The following WDR37 variants were observed in gnomAD, a reference collection of about 807,000 sequenced individuals.
WDR37 encodes the protein WD repeat-containing protein 37.
A neutral mutation model predicts 62.9 loss-of-function variants in WDR37; 19 were observed. The observed-to-expected ratio is 0.30, with a 90% CI of 0.21 to 0.44. The LOEUF (loss-of-function observed/expected upper bound fraction) is 0.44, where lower values mean the gene tolerates loss of function less well. Ranked by LOEUF, WDR37 falls within the 20% of genes least tolerant of loss-of-function variation. The pLI, the probability that WDR37 is intolerant of heterozygous loss-of-function variation, is 1.00. For missense variants in WDR37, 474 were observed against 657.6 expected, an observed-to-expected ratio of 0.72 and a Z score of 3.05; for synonymous variants, 250 against 260.9, an observed-to-expected ratio of 0.96 and a Z score of 0.40.
intron 11 of WDR37, among the ~76,000 whole-genome samples, chr10:1,119,924 C>CT (rs1177547086): frequency 6.6e-6 from 1 of 152,192 alleles, no homozygotes; most frequent in South Asian, 2.1e-4. Context: ...TGAGGTAGAA[C>CT]TATGCATTAG....
intron 1 of WDR37, among the ~76,000 whole-genome samples, chr10:1,066,761 T>C (rs530114609): frequency 4.1e-4 from 62 of 152,280 alleles, no homozygotes; most frequent in Middle Eastern, 3.4e-3. Flanking sequence ...ATACCTGAGA[T>C]TGGGCAATTT....
At position 1,105,390 on chromosome 10, in the gene WDR37, C is replaced by G; in HGVS notation, c.1103+123C>G. On this transcript the variant is annotated intron_variant, in intron 11 of 13. Coordinates refer to ENST00000263150, the MANE Select transcript of WDR37 (RefSeq NM_014023.4). The surrounding 1 kb of genome is among the most constrained non-coding windows in gnomAD (Gnocchi z 5.3). Reference sequence around the variant, plus strand: ...ACTCTACTATCTTTCAAAAAAATAACTACCTTTCAAATTCTGCTATTCTTT... The same window carrying G: ...ACTCTACTATCTTTCAAAAAAATAAGTACCTTTCAAATTCTGCTATTCTTT... 8.0e-7 allele frequency: 1 copy of G among 1,250,264 alleles called. No individual in the cohort carries two copies. The highest frequency in any genetic ancestry group is 1.5e-5 in the South Asian group (1 of 65,840). 77.4% of individuals were successfully genotyped at this position (1,250,264 alleles called of 1,614,324 possible). A position where few individuals can be genotyped will look rare whatever the true frequency, so the allele number is the denominator to read the frequency against.
intron 2 of WDR37, chr10:1,074,364 C>T: frequency 7.9e-7 from 1 of 1,269,778 alleles, no homozygotes; most frequent in African/African-American, 1.5e-5. Context: ...CATGGTAACC[C>T]TCACGAAGGT....
At chr10:1,095,056 T>G (rs1017065790) in intron 8 of WDR37, among the ~76,000 whole-genome samples, 11 of 147,782 alleles carry the variant, frequency 7.4e-5, no homozygotes, top group African/African-American at 2.8e-4. Flanking sequence ...AGAGTTAGAC[T>G]GGGAAACGTG....
At chr10:1,074,509 G>T (rs1174417674) in intron 2 of WDR37, 2 of 1,304,318 alleles carry the variant, frequency 1.5e-6, no homozygotes, top group Non-Finnish European at 2.0e-6. Flanking sequence ...AGCATGTTCT[G>T]TAAGTGGCCC....
intron 2 of WDR37, among the ~76,000 whole-genome samples, chr10:1,072,912 T>C (rs1476398620): frequency 1.3e-5 from 2 of 152,196 alleles, no homozygotes; most frequent in African/African-American, 4.8e-5. Flanking sequence ...TCTCTAACAG[T>C]CTCAAGAAAA....
chr10:1,129,687 ACGTT>A lies in WDR37; in HGVS notation c.*344_*347del. On this transcript the variant is annotated 3_prime_UTR_variant, in exon 14 of 14. Coordinates refer to ENST00000263150, the MANE Select transcript of WDR37 (RefSeq NM_014023.4). The stretch of plus-strand genomic sequence containing the variant: ...TGAATTAAATGTGAACTTCTGTATT[ACGTT>A]GCGGCGTCGGCAGTCCTGCGTTCCC... 5.4e-6 allele frequency: 1 copy of A among 184,822 alleles called. No homozygotes were observed. Among genetic ancestry groups the A allele is most frequent in the Non-Finnish European group, 1.1e-5 (1 of 87,858 alleles). The allele number at this position is 184,822 out of a possible 1,614,324, so 11.4% of individuals were successfully genotyped here. A position where few individuals can be genotyped will look rare whatever the true frequency, so the allele number is the denominator to read the frequency against.
chr10:1,092,014 A>G (rs1490063830), intron 7 of WDR37, among the ~76,000 whole-genome samples: 2 of 151,178 alleles, frequency 1.3e-5, no homozygotes, highest in Non-Finnish European at 2.9e-5. Flanking sequence ...CCCCGTTTCT[A>G]CTAAAAATAG....
intron 3 of WDR37, 41 bp from the exon 4 acceptor site, chr10:1,079,970 A>G: frequency 3.8e-6 from 6 of 1,585,888 alleles, no homozygotes; most frequent in Non-Finnish European, 4.3e-6. Context: ...ACTTAAACAT[A>G]AAAACATACT....
intron 8 of WDR37, among the ~76,000 whole-genome samples, chr10:1,094,515 C>G (rs939138385): frequency 7.2e-5 from 11 of 152,162 alleles, no homozygotes; most frequent in Non-Finnish European, 1.0e-4. Context: ...TCATTTTGAG[C>G]AGGCCCAGAC....
intron 6 of WDR37, among the ~76,000 whole-genome samples, chr10:1,085,028 C>G (rs1834156431): frequency 3.3e-5 from 5 of 152,242 alleles, no homozygotes; most frequent in Admixed American, 3.3e-4. Context: ...GTGGCGCAAT[C>G]TCGGCTCACT....
intron 8 of WDR37, among the ~76,000 whole-genome samples, chr10:1,095,849 G>A (rs774255874): frequency 2.6e-5 from 4 of 152,082 alleles, no homozygotes; most frequent in Non-Finnish European, 4.4e-5. Context: ...GATATGATAG[G>A]GTTTCTTAGG....
At chr10:1,064,583 CTTTTTTTTTT>C (rs71376884) in intron 1 of WDR37, among the ~76,000 whole-genome samples, 8 of 70,490 alleles carry the variant, frequency 1.1e-4, no homozygotes, top group East Asian at 8.5e-4. Context: ...GACAATGGAT[CTTTTTTTTTT>C]TTTTTTTTTT....
chr10:1,077,896 T>G lies in WDR37; in HGVS notation c.139-11T>G, dbSNP rs376147012. 8.8e-5 allele frequency: 141 copies of G among 1,600,578 alleles called. No homozygotes were observed. Among genetic ancestry groups the G allele is most frequent in the Middle Eastern group, 5.0e-4 (3 of 6,000 alleles). ...TCATTCATTCATTTTAAACAAAGTC[T>G]TCTTCTGCAGGATTCTAAACTGCCT... On this transcript the variant is annotated splice_polypyrimidine_tract_variant and intron_variant, in intron 2 of 13. Transcript: ENST00000263150.
At chr10:1,059,971 G>A (rs1287134672) in intron 1 of WDR37, among the ~76,000 whole-genome samples, 1 of 152,020 alleles carries the variant, frequency 6.6e-6, no homozygotes, top group East Asian at 1.9e-4. Context: ...CAGCCTCCAG[G>A]GTAGATGGGA....
At position 1,105,921 on chromosome 10, in the gene WDR37, G is replaced by T. The variant is rs900322949; in HGVS notation, c.1103+654G>T. On this transcript the variant is annotated intron_variant, in intron 11 of 13. Coordinates refer to ENST00000263150, the MANE Select transcript of WDR37 (RefSeq NM_014023.4). The surrounding 1 kb of genome is among the most constrained non-coding windows in gnomAD (Gnocchi z 5.3). ...CTGCCTCAGCCTCCCGAGTAGCTGGGACTAGAGGCACCTGCCACCACGCCT... is the reference window on the plus strand; with the variant it reads ...CTGCCTCAGCCTCCCGAGTAGCTGGTACTAGAGGCACCTGCCACCACGCCT... 2.6e-5 allele frequency among the ~76,000 whole-genome samples: 4 copies of T among 152,100 alleles called. No homozygotes were observed. Among genetic ancestry groups the T allele is most frequent in the African/African-American group, 9.7e-5 (4 of 41,406 alleles).
chr10:1,078,102 G>A, intron 3 of WDR37, 99 bp downstream of exon 3: 2 of 911,564 alleles, frequency 2.2e-6, no homozygotes, highest in Non-Finnish European at 3.2e-6. Context: ...CTGTTCTGCT[G>A]TAGCAAACTT....
intron 2 of WDR37, among the ~76,000 whole-genome samples, chr10:1,073,428 C>CT (rs929192485): frequency 2.0e-5 from 3 of 152,220 alleles, no homozygotes; most frequent in Non-Finnish European, 4.4e-5. Context: ...TCCGACATGA[C>CT]TGTTGCCACG....
At chr10:1,107,145 G>A (rs549755662) in intron 11 of WDR37, among the ~76,000 whole-genome samples, 112 of 152,368 alleles carry the variant, frequency 7.4e-4, no homozygotes, top group African/African-American at 2.6e-3. Context: ...CCCCGCTGCA[G>A]GCCAGCTCAT....
Sources: gnomAD v4.1 joint callset for allele counts (sites outside exome capture counted in the v4.1 genomes callset) on GRCh38, gnomAD v4.1.1 for gene constraint, Gnocchi (gnomAD v3.1) non-coding constraint, MANE v1.5 for transcripts, NCBI Gene and HGNC (gene_info 2026-07-23, HGNC 2026-07-21) for gene names.